Variants in PPP2R2B observed in about 807,000 individuals in gnomAD.
PPP2R2B encodes the protein serine/threonine-protein phosphatase 2A 55 kDa regulatory subunit B beta isoform.
Under a neutral mutation model 46.0 loss-of-function variants are expected in PPP2R2B, and 5 were observed. The ratio of observed to expected loss-of-function variants is 0.11; its 90% CI spans 0.06 to 0.23. The LOEUF is 0.23. PPP2R2B is among the 10% of genes least tolerant of loss of function. PPP2R2B has a pLI of 1.00. For synonymous variants in PPP2R2B, 215 were observed against 206.7 expected (o/e 1.04, Z -0.34); for missense variants, 367 against 575.0 (o/e 0.64, Z 3.70).
chr5:146,727,252 A>G (rs1426667882), intron 2 of PPP2R2B, among the ~76,000 whole-genome samples: 1 of 151,900 alleles, frequency 6.6e-6, no homozygotes, highest in Non-Finnish European at 1.5e-5. Flanking sequence ...AAAAAAAAAA[A>G]AGGACAGGAA....
chr5:146,718,503 A>G (rs1243886656), intron 2 of PPP2R2B, among the ~76,000 whole-genome samples: 1 of 152,178 alleles, frequency 6.6e-6, no homozygotes, highest in Non-Finnish European at 1.5e-5. Context: ...TTTCAGTTGA[A>G]TTGAGTGTAG....
At chr5:146,657,792 G>T (rs1200307667) in intron 5 of PPP2R2B, among the ~76,000 whole-genome samples, 5 of 152,150 alleles carry the variant, frequency 3.3e-5, no homozygotes, top group South Asian at 4.2e-4. Context: ...TGAAAAAATT[G>T]CTGTCAATTT....
chr5:147,017,016 T>C (rs1320440536), intron 1 of PPP2R2B, among the ~76,000 whole-genome samples: 1 of 151,454 alleles, frequency 6.6e-6, no homozygotes, highest in Non-Finnish European at 1.5e-5. Context: ...ATGGTCAGAT[T>C]TAAGTTTTGG....
chr5:146,832,887 A>G (rs1271676777), intron 2 of PPP2R2B, among the ~76,000 whole-genome samples: 1 of 151,886 alleles, frequency 6.6e-6, no homozygotes, highest in South Asian at 2.1e-4. Context: ...GTGTAAGTAC[A>G]CTCTGGTGTT....
intron 2 of PPP2R2B, among the ~76,000 whole-genome samples, chr5:146,735,601 T>C (rs1379876038): frequency 1.3e-5 from 2 of 152,046 alleles, no homozygotes; most frequent in Non-Finnish European, 2.9e-5. Context: ...CACACTCAGG[T>C]ATAATGGAAA....
intron 2 of PPP2R2B, among the ~76,000 whole-genome samples, chr5:146,784,659 G>T (rs1487718588): frequency 1.3e-5 from 2 of 152,158 alleles, no homozygotes; most frequent in Non-Finnish European, 2.9e-5. Flanking sequence ...GCTAGTTCAA[G>T]TTGGTAAACA....
At chr5:146,932,645 A>G (rs1764006182) in intron 1 of PPP2R2B, among the ~76,000 whole-genome samples, 2 of 152,140 alleles carry the variant, frequency 1.3e-5, no homozygotes, top group African/African-American at 4.8e-5. Context: ...AGTGTTGGGT[A>G]TGTCTTTATT....
At chr5:146,940,337 A>G (rs770819887) in intron 1 of PPP2R2B, among the ~76,000 whole-genome samples, 2 of 152,154 alleles carry the variant, frequency 1.3e-5, no homozygotes, top group Non-Finnish European at 2.9e-5. Context: ...CATCTATTCC[A>G]AATCCAACAG....
chr5:146,664,742 A>G (rs1400922079), intron 5 of PPP2R2B, among the ~76,000 whole-genome samples: 2 of 152,168 alleles, frequency 1.3e-5, no homozygotes, highest in African/African-American at 4.8e-5. Flanking sequence ...GATCCATCAG[A>G]GGAACTATTT....
At chr5:146,853,838 C>T (rs928067298) in intron 2 of PPP2R2B, among the ~76,000 whole-genome samples, 2 of 152,020 alleles carry the variant, frequency 1.3e-5, no homozygotes, top group African/African-American at 4.8e-5. Flanking sequence ...GCTTGGAATA[C>T]TTTTCATTCT....
chr5:146,607,271 G>C (rs1170735091), intron 7 of PPP2R2B: 1 of 152,234 alleles, frequency 6.6e-6, no homozygotes, highest in African/African-American at 2.4e-5. Flanking sequence ...GCTGAGGACA[G>C]TGAGAGAAGA....
At chr5:146,776,772 T>C (rs1755208021) in intron 2 of PPP2R2B, among the ~76,000 whole-genome samples, 1 of 151,310 alleles carries the variant, frequency 6.6e-6, no homozygotes. Flanking sequence ...ATATCCAGAG[T>C]AAAAAAATAA....
At chr5:146,808,210 T>C (rs1259999439) in intron 2 of PPP2R2B, among the ~76,000 whole-genome samples, 5 of 152,196 alleles carry the variant, frequency 3.3e-5, no homozygotes, top group African/African-American at 9.6e-5. Context: ...GGTTAATCAG[T>C]AGCCACATAC....
At chr5:146,900,293 T>C (rs964280142) in intron 1 of PPP2R2B, among the ~76,000 whole-genome samples, 1 of 152,108 alleles carries the variant, frequency 6.6e-6, no homozygotes, top group Non-Finnish European at 1.5e-5. Context: ...TCTTCCAGAG[T>C]ATATCACTGG....
At chr5:146,725,220 C>T (rs1033687767) in intron 2 of PPP2R2B, among the ~76,000 whole-genome samples, 1 of 152,150 alleles carries the variant, frequency 6.6e-6, no homozygotes, top group African/African-American at 2.4e-5. Flanking sequence ...GAGTACCCGA[C>T]TGTATTTTGC....
chr5:147,060,930 T>C (rs1249778025), upstream of PPP2R2B, among the ~76,000 whole-genome samples: 1 of 152,176 alleles, frequency 6.6e-6, no homozygotes, highest in Non-Finnish European at 1.5e-5. Context: ...CTGGATTGAA[T>C]TGAGCTGAAT....
At chr5:146,894,056 CAAT>C (rs1762571172) in intron 1 of PPP2R2B, among the ~76,000 whole-genome samples, 1 of 152,004 alleles carries the variant, frequency 6.6e-6, no homozygotes, top group African/African-American at 2.4e-5. Flanking sequence ...AAAACAACAA[CAAT>C]AACAACAACA....
intron 2 of PPP2R2B, among the ~76,000 whole-genome samples, chr5:146,761,591 C>T (rs1582042587): frequency 6.6e-6 from 1 of 150,986 alleles, no homozygotes; most frequent in African/African-American, 2.4e-5. Context: ...ACGTTGTGCA[C>T]ATGTACCCTA....
At chr5:147,074,882 G>C (rs2151912378) in intron 2 of PPP2R2B, among the ~76,000 whole-genome samples, 1 of 152,186 alleles carries the variant, frequency 6.6e-6, no homozygotes, top group East Asian at 1.9e-4. Context: ...TTCAGAGGGA[G>C]GGAAGGAAAA....
Sources: allele counts gnomAD v4.1 joint callset (sites outside exome capture counted in the v4.1 genomes callset), GRCh38; gene constraint gnomAD v4.1.1; transcripts MANE v1.5; gene names NCBI Gene and HGNC (gene_info 2026-07-23, HGNC 2026-07-21).